Variants in PITRM1 observed in about 807,000 individuals in gnomAD.
The protein encoded by PITRM1 is presequence protease, mitochondrial.
A neutral mutation model predicts 129.9 loss-of-function variants in PITRM1; 100 were observed. That is an observed-to-expected ratio of 0.77 (90% CI 0.65 to 0.91). The LOEUF is 0.91. Among genes scored for constraint, PITRM1 ranks in the 40% least tolerant of loss-of-function variants. The pLI is 0.00. For missense variants in PITRM1, 1,471 were observed against 1,318.3 expected (o/e 1.12, Z -1.79); for synonymous variants, 591 against 508.8 (o/e 1.16, Z -2.17).
At chr10:3,150,027 C>T (rs1430087855) in intron 15 of PITRM1, among the ~76,000 whole-genome samples, 1 of 152,170 alleles carries the variant, frequency 6.6e-6, no homozygotes, top group Non-Finnish European at 1.5e-5. Context: ...CCCAACCTCT[C>T]CCCGTCAACC....
At position 3,148,018 on chromosome 10, in the gene PITRM1, T is replaced by C. The variant is rs748758468; in HGVS notation, c.2038A>G (p.Met680Val). ...SLCLDRNLPD[M>V]MQLWSEIFNN... ...AATATTTCACTCCATAGCTGCATCA[T>C]GTCTGGCAGGTTTCGATCCAGGCAG... The change falls in exon 18 of 27, where the codon ATG becomes GTG. Residue 680 changes from methionine (M) to valine (V), a missense_variant. Met to Val is a conservative substitution (Grantham distance 21, BLOSUM62 1). Transcript: ENST00000224949. The C allele has an allele frequency of 4.3e-6, 7 of 1,613,712 alleles. No individual in the cohort carries two copies. In the East Asian group the frequency reaches 8.9e-5, roughly 21 times the overall value.
At position 3,159,924 on chromosome 10, in the gene PITRM1, T is replaced by C; in HGVS notation, c.931A>G (p.Ile311Val). 2.5e-6 allele frequency: 4 copies of C among 1,598,832 alleles called. No homozygotes were observed. Among genetic ancestry groups the C allele is most frequent in the East Asian group, 4.5e-5 (2 of 44,600 alleles). Residue 311 changes from isoleucine to valine, a missense_variant, in exon 9 of 27, where the codon ATA (isoleucine) becomes GTA (valine). Coordinates refer to ENST00000224949, the MANE Select transcript of PITRM1 (RefSeq NM_014889.4). ...TPWDKPREFQ[I>V]TCGPDSFATD... ...GCAAATGAATCCGGGCCACATGTTATCTGGAATTCCCTCTGTAAAATGACG... is the reference window on the plus strand; with the variant it reads ...GCAAATGAATCCGGGCCACATGTTACCTGGAATTCCCTCTGTAAAATGACG...
intron 23 of PITRM1, 47 bp from the exon 24 acceptor site, chr10:3,140,859 G>A (rs780299716): frequency 1.4e-6 from 2 of 1,425,200 alleles, no homozygotes; most frequent in Non-Finnish European, 1.9e-6. Context: ...TGATAAAAAA[G>A]CATAGACAAT....
chr10:3,162,772 C>T (rs936442894), intron 7 of PITRM1, among the ~76,000 whole-genome samples: 7 of 152,206 alleles, frequency 4.6e-5, no homozygotes, highest in East Asian at 1.9e-4. Flanking sequence ...AAAGTGAGTG[C>T]GCCAGAAAGA....
intron 22 of PITRM1, chr10:3,144,078 G>T: frequency 1.7e-6 from 1 of 594,302 alleles, no homozygotes. Context: ...CCTCGGCACA[G>T]GAGGACACAC....
chr10:3,147,442 T>TC, intron 19 of PITRM1, 130 bp downstream of exon 19: 1 of 1,155,338 alleles, frequency 8.7e-7, no homozygotes, highest in African/African-American at 1.5e-5. Flanking sequence ...ACCAACCAAT[T>TC]CTTCCCCATA....
intron 21 of PITRM1, chr10:3,145,149 C>A: frequency 6.1e-6 from 1 of 163,158 alleles, no homozygotes; most frequent in South Asian, 1.7e-4. Context: ...AGCACGGCTT[C>A]TCTACTGACA....
chr10:3,155,272 C>A (rs567564900), intron 14 of PITRM1, among the ~76,000 whole-genome samples: 1 of 152,340 alleles, frequency 6.6e-6, no homozygotes, highest in South Asian at 2.1e-4. Context: ...CCACTCTGCT[C>A]ACAGGCCAGG....
rs777344614 is a variant in PITRM1 at position 3,151,351 on chromosome 10, C to A, written c.1634G>T (p.Arg545Leu). The A allele has an allele frequency of 6.2e-7, 1 of 1,601,236 alleles. No homozygotes were observed. Residue 545 changes from arginine (R) to leucine (L), a missense_variant, in exon 15 of 27, where the codon CGG becomes CTG. Physicochemically the swap from Arg to Leu is moderately radical, Grantham distance 102. Coordinates refer to ENST00000224949, the MANE Select transcript of PITRM1 (RefSeq NM_014889.4). ...QQIYEKGLEL[R>L]SQQSKPQDAS... is the part of the protein sequence containing the mutation. Reference sequence around the variant, plus strand: ...ATCTTGAGGTTTGCTTTGTTGACTCCGTAATTCTAGACCTAAAAAAGAAAC... The same window carrying A: ...ATCTTGAGGTTTGCTTTGTTGACTCAGTAATTCTAGACCTAAAAAAGAAAC...
intron 22 of PITRM1, chr10:3,143,764 C>T: frequency 2.9e-6 from 2 of 678,372 alleles, no homozygotes; most frequent in Non-Finnish European, 5.5e-6. Flanking sequence ...TGACGTGATG[C>T]CTTAACGTAT....
rs756763243 is a variant in PITRM1, at chr10:3,163,797, A to C, written c.719T>G (p.Leu240Arg). 1.2e-6 allele frequency: 2 copies of C among 1,613,240 alleles called. No homozygotes were observed. The highest frequency in any genetic ancestry group is 2.7e-5 in the African/African-American group (2 of 74,936). ...CTCCCATGTAAGCTCCGGGATGCAC[A>C]GTGGGTCACCCCCGGAGACCACTGA... Reference protein sequence around the residue: ...TYSVVSGGDPLCIPELTWEQL... With the variant: ...TYSVVSGGDPRCIPELTWEQL... The change falls in exon 7 of 27, where the codon CTG (leucine) becomes CGG (arginine). Residue 240 changes from leucine to arginine, a missense_variant. Transcript: ENST00000224949.
intron 2 of PITRM1, among the ~76,000 whole-genome samples, chr10:3,168,587 C>T (rs533169695): frequency 3.4e-5 from 5 of 147,052 alleles, no homozygotes; most frequent in Admixed American, 1.3e-4. Flanking sequence ...ATCAAGAGGG[C>T]GGTTTCCTCC....
At position 3,157,391 on chromosome 10, in the gene PITRM1, T is replaced by C. The variant is rs114979334; in HGVS notation, c.1347+44A>G. 4.0e-3 allele frequency: 4,726 copies of C among 1,184,036 alleles called. 174 individuals are homozygous for C. In the African/African-American group the frequency reaches 0.066, roughly 17 times the overall value. The allele number at this position is 1,184,036 out of a possible 1,614,324, so 73.3% of individuals were successfully genotyped here. On this transcript the variant is annotated intron_variant, in intron 12 of 26. Transcript: ENST00000224949. ...CAGTTAAGCTAGTAACAAGACAAAA[T>C]GTCTATTATAAAACAAAAACAAAAT...
rs1320318050 is a variant in PITRM1 at position 3,137,830 on chromosome 10, G to A, written c.*201C>T. 4 of 567,746 alleles carry A rather than the reference G, an allele frequency of 7.0e-6. No homozygotes were observed. The highest frequency in any genetic ancestry group is 5.6e-5 in the African/African-American group (3 of 53,098). 35.2% of individuals were successfully genotyped at this position (567,746 alleles called of 1,614,324 possible). A position where few individuals can be genotyped will look rare whatever the true frequency, so the allele number is the denominator to read the frequency against. On this transcript the variant is annotated 3_prime_UTR_variant, in exon 27 of 27. Coordinates refer to ENST00000224949, the MANE Select transcript of PITRM1 (RefSeq NM_014889.4). ...GAAAATTCTACATGGTGCATCTTTG[G>A]CGCTTCATGCATGATTATTTCAATG...
rs763382286 is a variant in PITRM1 at position 3,138,099 on chromosome 10, G to T, written c.3046C>A (p.His1016Asn). 6.2e-7 allele frequency: 1 copy of T among 1,610,580 alleles called. No individual in the cohort carries two copies. The highest frequency in any genetic ancestry group is 8.5e-7 in the Non-Finnish European group (1 of 1,178,516). Reference sequence around the variant, plus strand: ...TCGGGTCCGAGGATGGCCAGGCCGTGTGTGCTCTTCCCAGTGCCGAGGTAT... The same window carrying T: ...TCGGGTCCGAGGATGGCCAGGCCGTTTGTGCTCTTCCCAGTGCCGAGGTAT... ...DRYLGTGKST[H>N]GLAILGPENP... is the part of the protein sequence containing the mutation. The change falls in exon 27 of 27, where the codon CAC (histidine) becomes AAC (asparagine). Residue 1016 changes from histidine to asparagine, a missense_variant. Physicochemically the swap from His to Asn is moderately conservative, Grantham distance 68. Transcript: ENST00000224949.
At chr10:3,151,505 A>T (rs1054413591) in intron 14 of PITRM1, 142 bp from the exon 15 acceptor site, 2 of 614,680 alleles carry the variant, frequency 3.3e-6, no homozygotes, top group Non-Finnish European at 5.9e-6. Context: ...GTGGTTTGCA[A>T]AGTATCTCCT....
rs572205245 is a variant in PITRM1, at chr10:3,148,465, A to G, written c.1872-174T>C. ...GTGCACTCTGGCCTTCGCCCTCGAGAGTTCATGTGCCCCCTTCCCCAGGGA... is the reference window on the plus strand; with the variant it reads ...GTGCACTCTGGCCTTCGCCCTCGAGGGTTCATGTGCCCCCTTCCCCAGGGA... On this transcript the variant is annotated intron_variant, in intron 16 of 26. Transcript: ENST00000224949. 9.9e-6 allele frequency: 7 copies of G among 709,496 alleles called. No homozygotes were observed. In the East Asian group the frequency reaches 1.9e-4, roughly 20 times the overall value. The allele number at this position is 709,496 out of a possible 1,614,324, so 44.0% of individuals were successfully genotyped here.
chr10:3,154,425 G>A (rs1308596181), intron 14 of PITRM1, among the ~76,000 whole-genome samples: 2 of 149,036 alleles, frequency 1.3e-5, no homozygotes, highest in Non-Finnish European at 3.0e-5. Flanking sequence ...GGCAGCATGT[G>A]AGCATTCCCC....
intron 7 of PITRM1, 111 bp from the exon 8 acceptor site, chr10:3,160,441 G>T: frequency 1.1e-6 from 1 of 874,410 alleles, no homozygotes; most frequent in Non-Finnish European, 1.8e-6. Context: ...CCAAGGTCTC[G>T]CCTTTCGGTT....
Sources: gnomAD v4.1 joint callset for allele counts (sites outside exome capture counted in the v4.1 genomes callset) on GRCh38, gnomAD v4.1.1 for gene constraint, MANE v1.5 for transcripts, NCBI Gene and HGNC (gene_info 2026-07-23, HGNC 2026-07-21) for gene names.